The following UBE2W variants were observed in gnomAD, a reference collection of about 807,000 sequenced individuals.
UBE2W encodes ubiquitin-conjugating enzyme E2 W.
Under a neutral mutation model 27.2 loss-of-function variants are expected in UBE2W, and 18 were observed. The ratio of observed to expected loss-of-function variants is 0.66; its 90% confidence interval spans 0.46 to 0.98. The LOEUF is 0.98. Ranked by LOEUF, UBE2W falls within the 50% of genes least tolerant of loss-of-function variation. The pLI is 0.00. For missense variants in UBE2W, 90 were observed against 180.2 expected (o/e 0.50, Z 2.87); for synonymous variants, 53 against 57.2 (o/e 0.93, Z 0.33).
intron 1 of UBE2W, among the ~76,000 whole-genome samples, chr8:73,843,157 T>C (rs1485499229): frequency 1.3e-5 from 2 of 152,170 alleles, no homozygotes; most frequent in African/African-American, 4.8e-5. Flanking sequence ...AAGCTGGTGA[T>C]TGCCAGGGGC....
intron 1 of UBE2W, among the ~76,000 whole-genome samples, chr8:73,869,196 C>T (rs1006492487): frequency 6.6e-6 from 1 of 152,186 alleles, no homozygotes; most frequent in Non-Finnish European, 1.5e-5. Flanking sequence ...GAAGCCTAGG[C>T]AGGAGGGGTG....
chr8:73,877,921 C>A (rs1029426496), intron 1 of UBE2W, among the ~76,000 whole-genome samples: 1 of 152,200 alleles, frequency 6.6e-6, no homozygotes, highest in Non-Finnish European at 1.5e-5. Context: ...GAAAACCACG[C>A]CTTGCTAAGT....
chr8:73,878,014 G>GTA lies in UBE2W; in HGVS notation c.15+792_15+793dup, dbSNP rs1303973876. 2.0e-5 allele frequency among the ~76,000 whole-genome samples: 3 copies of GTA among 152,310 alleles called. 1 individual carries two copies. Reference sequence around the variant, plus strand: ...GGTCTGGGAATAAGGGCAAAGAGATGTATAGCCTTATCGCGACCGCAAGGG... The same window carrying GTA: ...GGTCTGGGAATAAGGGCAAAGAGATGTATATAGCCTTATCGCGACCGCAAGGG... On this transcript the variant is annotated intron_variant, in intron 1 of 5. Coordinates refer to ENST00000602593, the MANE Select transcript of UBE2W (RefSeq NM_018299.6).
intron 2 of UBE2W, among the ~76,000 whole-genome samples, chr8:73,829,704 G>A (rs571971814): frequency 7.9e-5 from 12 of 152,160 alleles, no homozygotes; most frequent in Non-Finnish European, 1.3e-4. Flanking sequence ...TCCTCTGAAA[G>A]GGTAAGTTAT....
chr8:73,878,081 C>A (rs1563644601), intron 1 of UBE2W, among the ~76,000 whole-genome samples: 1 of 152,130 alleles, frequency 6.6e-6, no homozygotes, highest in Non-Finnish European at 1.5e-5. Context: ...GCAAGCTATC[C>A]CGAGAGGTTT....
At chr8:73,811,256 T>C (rs773854730) in intron 3 of UBE2W, among the ~76,000 whole-genome samples, 6 of 152,218 alleles carry the variant, frequency 3.9e-5, no homozygotes, top group Admixed American at 2.6e-4. Flanking sequence ...TTTACTCTCC[T>C]TTCCCTTTTA....
chr8:73,829,694 TC>T (rs1020616310), intron 2 of UBE2W, among the ~76,000 whole-genome samples: 1 of 152,142 alleles, frequency 6.6e-6, no homozygotes, highest in African/African-American at 2.4e-5. Context: ...CAAAACTGTT[TC>T]CTCTGAAAGG....
downstream of UBE2W, among the ~76,000 whole-genome samples, chr8:73,785,125 G>A (rs1304862438): frequency 6.6e-6 from 1 of 152,098 alleles, no homozygotes; most frequent in African/African-American, 2.4e-5. Context: ...CATCTACAAA[G>A]TTTACATTTT....
chr8:73,865,867 G>A (rs1811733476), intron 1 of UBE2W, among the ~76,000 whole-genome samples: 1 of 152,126 alleles, frequency 6.6e-6, no homozygotes, highest in South Asian at 2.1e-4. Flanking sequence ...AAAAGGCAAG[G>A]TGGTTATACT....
At chr8:73,811,665 A>T (rs569145195) in intron 3 of UBE2W, among the ~76,000 whole-genome samples, 3 of 152,326 alleles carry the variant, frequency 2.0e-5, no homozygotes, top group Admixed American at 6.5e-5. Flanking sequence ...GTATAATTAG[A>T]TTTTTATAAA....
In UBE2W at chr8:73,788,903, G is replaced by A; in HGVS notation, c.*5199C>T. The A allele has an allele frequency of 4.1e-6, 4 of 985,184 alleles. No homozygotes were observed. The highest frequency in any genetic ancestry group is 4.8e-6 in the Non-Finnish European group (4 of 829,840). 61.0% of individuals were successfully genotyped at this position (985,184 alleles called of 1,614,324 possible). ...TCTTGAGGTATGTTAAGATAGATCA[G>A]CTTCTATTCAGGCATTCCTTCCACA... On this transcript the variant is annotated 3_prime_UTR_variant, in exon 6 of 6. Coordinates refer to ENST00000602593, the MANE Select transcript of UBE2W (RefSeq NM_018299.6).
intron 4 of UBE2W, among the ~76,000 whole-genome samples, chr8:73,809,820 T>G (rs1421871928): frequency 6.6e-6 from 1 of 152,112 alleles, no homozygotes; most frequent in South Asian, 2.1e-4. Flanking sequence ...CGCAGGTGAT[T>G]CACCTGCCTA....
At chr8:73,809,975 G>A (rs1400393376) in intron 4 of UBE2W, among the ~76,000 whole-genome samples, 1 of 152,082 alleles carries the variant, frequency 6.6e-6, no homozygotes, top group Non-Finnish European at 1.5e-5. Context: ...AAGGAGAACA[G>A]GAAGAAACGC....
intron 2 of UBE2W, among the ~76,000 whole-genome samples, chr8:73,826,013 C>T (rs1809819839): frequency 6.6e-6 from 1 of 152,030 alleles, no homozygotes; most frequent in African/African-American, 2.4e-5. Flanking sequence ...CACAGAGAAC[C>T]GTAGCTGTCA....
chr8:73,851,697 T>G (rs61464267), intron 1 of UBE2W, among the ~76,000 whole-genome samples: 1 of 152,070 alleles, frequency 6.6e-6, no homozygotes, highest in South Asian at 2.1e-4. Flanking sequence ...AAAAATTACA[T>G]TTGAGACATT....
chr8:73,810,671 A>G lies in UBE2W; in HGVS notation c.211-42T>C, dbSNP rs763846903. The G allele has an allele frequency of 2.8e-6, 4 of 1,432,606 alleles. No individual in the cohort carries two copies. The South Asian group carries it at 5.8e-5, about 21-fold the overall frequency. The allele number at this position is 1,432,606 out of a possible 1,614,324, so 88.7% of individuals were successfully genotyped here. On this transcript the variant is annotated intron_variant, in intron 3 of 5. Coordinates refer to ENST00000602593, the MANE Select transcript of UBE2W (RefSeq NM_018299.6). The stretch of plus-strand genomic sequence containing the variant: ...TTCCATTAAAACTCAAATATTCTCT[A>G]CTACCAAAAACTAAAATATTCTCCA...
At chr8:73,840,570 A>G (rs1810499838) in intron 1 of UBE2W, among the ~76,000 whole-genome samples, 1 of 152,256 alleles carries the variant, frequency 6.6e-6, no homozygotes, top group African/African-American at 2.4e-5. Context: ...CTTACTTTGT[A>G]AAAAACTTAC....
At chr8:73,871,590 CG>C (rs1345426489) in intron 1 of UBE2W, among the ~76,000 whole-genome samples, 1 of 152,104 alleles carries the variant, frequency 6.6e-6, no homozygotes, top group East Asian at 1.9e-4. Context: ...CAAAAGCATG[CG>C]CTGTTTTTTG....
In UBE2W at chr8:73,824,884, AG is replaced by A. The variant is rs1413581971; in HGVS notation, c.210+262del. ...TGGGGGTTGGGGACCCCTGGCCTAG[AG>A]GCCTGGTTAGATTTCTATTCCCTTT... is the stretch of plus-strand genomic sequence containing the variant. On this transcript the variant is annotated intron_variant, in intron 3 of 5. Coordinates refer to ENST00000602593, the MANE Select transcript of UBE2W (RefSeq NM_018299.6). Among the ~76,000 whole-genome samples, 3 of 152,230 alleles carry A rather than the reference AG, an allele frequency of 2.0e-5. No homozygotes were observed. In the East Asian group the frequency reaches 5.8e-4, roughly 29 times the overall value.
Sources: allele counts gnomAD v4.1 joint callset (sites outside exome capture counted in the v4.1 genomes callset), GRCh38; gene constraint gnomAD v4.1.1; transcripts MANE v1.5; gene names NCBI Gene and HGNC (gene_info 2026-07-23, HGNC 2026-07-21).